The following CCDC191 variants were observed in gnomAD, a reference collection of about 807,000 sequenced individuals.
The protein encoded by CCDC191 is coiled-coil domain-containing protein 191.
A neutral mutation model predicts 114.0 loss-of-function variants in CCDC191; 99 were observed. The ratio of observed to expected loss-of-function variants is 0.87; its 90% CI spans 0.74 to 1.03. The LOEUF (loss-of-function observed/expected upper bound fraction) is 1.03. Among genes scored for constraint, CCDC191 ranks in the 50% least tolerant of loss-of-function variants. The pLI is 0.00. For missense variants in CCDC191, 973 were observed against 1,087.0 expected (o/e 0.90, Z 1.47); for synonymous variants, 351 against 376.0 (o/e 0.93, Z 0.77).
intron 13 of CCDC191, among the ~76,000 whole-genome samples, chr3:113,992,642 G>A (rs563336887): frequency 3.4e-4 from 52 of 152,264 alleles, no homozygotes; most frequent in Non-Finnish European, 2.6e-4. Flanking sequence ...ACGAGTTAAT[G>A]GGTGCAGCAT....
chr3:113,992,971 G>A (rs1019364305), intron 13 of CCDC191, among the ~76,000 whole-genome samples: 3 of 152,172 alleles, frequency 2.0e-5, no homozygotes, highest in Non-Finnish European at 4.4e-5. Context: ...TCAAGTGGGA[G>A]TTATCCCTGG....
intron 2 of CCDC191, among the ~76,000 whole-genome samples, chr3:114,048,133 C>G (rs1379650399): frequency 6.6e-6 from 1 of 152,130 alleles, no homozygotes; most frequent in Non-Finnish European, 1.5e-5. Flanking sequence ...TCCAATCTAT[C>G]TCTCTCTTTC....
At chr3:114,051,443 A>G (rs1488629138) in intron 2 of CCDC191, among the ~76,000 whole-genome samples, 2 of 152,206 alleles carry the variant, frequency 1.3e-5, no homozygotes, top group East Asian at 1.9e-4. Context: ...ATAAAATATT[A>G]TGGGCCAGGC....
intron 11 of CCDC191, chr3:114,004,436 G>T: frequency 8.8e-7 from 1 of 1,134,400 alleles, no homozygotes; most frequent in Non-Finnish European, 1.1e-6. Flanking sequence ...TGCCAAAAAG[G>T]TTGGCAAAAG....
intron 13 of CCDC191, among the ~76,000 whole-genome samples, chr3:113,995,396 T>C (rs1433868179): frequency 2.0e-5 from 3 of 152,186 alleles, no homozygotes; most frequent in South Asian, 2.1e-4. Flanking sequence ...TTAAAAGCCA[T>C]AGCACTGTAC....
At chr3:113,969,107 AGAGT>A (rs1940530605) in intron 16 of CCDC191, among the ~76,000 whole-genome samples, 1 of 152,218 alleles carries the variant, frequency 6.6e-6, no homozygotes, top group South Asian at 2.1e-4. Context: ...CGTAACTAAT[AGAGT>A]GAGAATGCAC....
chr3:113,998,691 C>T (rs561349486), intron 13 of CCDC191, among the ~76,000 whole-genome samples: 13 of 152,272 alleles, frequency 8.5e-5, no homozygotes, highest in African/African-American at 2.2e-4. Flanking sequence ...GGAAGCTACC[C>T]GGTGGCAGGT....
chr3:114,010,635 T>C (rs2076052643), intron 9 of CCDC191, 137 bp downstream of exon 9: 3 of 720,140 alleles, frequency 4.2e-6, no homozygotes, highest in Non-Finnish European at 6.8e-6. Context: ...AAATAAACAC[T>C]GCCTGAAAGG....
chr3:114,019,625 G>A (rs184196109), intron 7 of CCDC191, among the ~76,000 whole-genome samples: 9 of 152,158 alleles, frequency 5.9e-5, no homozygotes, highest in Admixed American at 1.3e-4. Context: ...TTCAGCTTTT[G>A]GCCTTGACAC....
chr3:114,004,561 A>C (rs1227998026), intron 11 of CCDC191, 76 bp downstream of exon 11: 1 of 1,547,888 alleles, frequency 6.5e-7, no homozygotes, highest in East Asian at 2.3e-5. Context: ...AGTTGCCAGA[A>C]TTCAGTCCCA....
chr3:114,002,803 T>C, intron 11 of CCDC191: 1 of 927,784 alleles, frequency 1.1e-6, no homozygotes, highest in African/African-American at 1.8e-5. Context: ...AAATAATTGT[T>C]TACTGATTTA....
At chr3:114,049,137 C>T (rs1042439172) in intron 2 of CCDC191, among the ~76,000 whole-genome samples, 1 of 152,186 alleles carries the variant, frequency 6.6e-6, no homozygotes, top group East Asian at 1.9e-4. Context: ...GAAAACAGAA[C>T]ATACAGGCAA....
intron 11 of CCDC191, chr3:114,004,189 TCAA>T (rs959348204): frequency 2.2e-4 from 217 of 967,458 alleles, no homozygotes; most frequent in African/African-American, 1.9e-3. Flanking sequence ...TAAAATCCTA[TCAA>T]CAAGTTATAA....
rs1368032938 is a variant in CCDC191 at position 114,018,699 on chromosome 3, T to G, written c.1142A>C (p.Asn381Thr). 1 of 1,611,140 alleles carries G rather than the reference T, an allele frequency of 6.2e-7. No homozygotes were observed. The highest frequency in any genetic ancestry group is 1.3e-5 in the African/African-American group (1 of 74,716). The change falls in exon 8 of 17, where the codon AAT (asparagine) becomes ACT (threonine). Residue 381 changes from asparagine to threonine, a missense_variant. By Grantham distance (65) the Asn-to-Thr change is moderately conservative. Transcript: ENST00000295878. ...ATACCTGTTTTCTTCCCTAAGATCA[T>G]TTTCCAAGGCTTGAGTCTCCCGCTC... ...KLERETQALE[N>T]DLREENRKQQ... is the part of the protein sequence containing the mutation.
chr3:114,013,629 G>A (rs564069873), intron 8 of CCDC191, among the ~76,000 whole-genome samples: 1 of 152,168 alleles, frequency 6.6e-6, no homozygotes, highest in South Asian at 2.1e-4. Flanking sequence ...CTTGCAATCT[G>A]AAATCAGGGA....
intron 3 of CCDC191, among the ~76,000 whole-genome samples, chr3:114,044,046 AG>A (rs1168997676): frequency 1.3e-5 from 2 of 152,092 alleles, no homozygotes; most frequent in Non-Finnish European, 2.9e-5. Context: ...ACATCCAAAT[AG>A]GGATGTCAAA....
intron 16 of CCDC191, among the ~76,000 whole-genome samples, chr3:113,976,255 T>C (rs147098045): frequency 0.022 from 3,283 of 150,794 alleles, 48 homozygotes; most frequent in Middle Eastern, 0.037. Flanking sequence ...TAAGACTTTG[T>C]CTCAGGGTAA....
At chr3:114,021,698 T>C (rs190344358) in intron 7 of CCDC191, among the ~76,000 whole-genome samples, 1 of 152,232 alleles carries the variant, frequency 6.6e-6, no homozygotes, top group Admixed American at 6.6e-5. Flanking sequence ...GCTTACTTCC[T>C]GATGCTCCCA....
chr3:114,002,339 C>T, intron 12 of CCDC191, 117 bp downstream of exon 12: 1 of 693,242 alleles, frequency 1.4e-6, no homozygotes, highest in Non-Finnish European at 2.3e-6. Flanking sequence ...AAAACCATTT[C>T]CAAAGTTGAT....
Sources: gnomAD v4.1 joint callset for allele counts (sites outside exome capture counted in the v4.1 genomes callset) on GRCh38, gnomAD v4.1.1 for gene constraint, MANE v1.5 for transcripts, NCBI Gene and HGNC (gene_info 2026-07-23, HGNC 2026-07-21) for gene names.